Variants in PHF11 observed in about 807,000 individuals in gnomAD.
PHF11 encodes PHD finger protein 11, also known as BRCA1 C-terminus-associated protein.
PHF11 carries 38 observed loss-of-function variants against 40.5 expected under a neutral mutation model. That is an observed-to-expected ratio of 0.94 (90% CI 0.72 to 1.23). The LOEUF is 1.23. Among genes scored for constraint, PHF11 ranks in the 50% most tolerant of loss-of-function variants. The pLI is 0.00. For synonymous variants in PHF11, 127 were observed against 138.2 expected, an observed-to-expected ratio of 0.92 and a Z score of 0.57; for missense variants, 369 against 392.4, an observed-to-expected ratio of 0.94 and a Z score of 0.50.
intron 3 of PHF11, among the ~76,000 whole-genome samples, chr13:49,514,724 C>T (rs1437956236): frequency 6.6e-6 from 1 of 150,710 alleles, no homozygotes; most frequent in Non-Finnish European, 1.5e-5. Flanking sequence ...CACCACTGTA[C>T]TCCAGCCTGG....
At position 49,513,160 on chromosome 13, in the gene PHF11, G is replaced by T. The variant is rs1025097233; in HGVS notation, c.318G>T (p.Arg106Ser). 6.7e-7 allele frequency: 1 copy of T among 1,488,402 alleles called. No individual in the cohort carries two copies. Among genetic ancestry groups the T allele is most frequent in the African/African-American group, 1.4e-5 (1 of 72,428 alleles). The allele number at this position is 1,488,402 out of a possible 1,614,324, so 92.2% of individuals were successfully genotyped here. A position where few individuals can be genotyped will look rare whatever the true frequency, so the allele number is the denominator to read the frequency against. ...ESVKKEIQRGRKLKCKFCHKR... is the reference protein window; with the variant it reads ...ESVKKEIQRGSKLKCKFCHKR... Reference sequence around the variant, plus strand: ...TAAAGAAAGAAATCCAGAGAGGAAGGAAGTTGGTAAGTGTAAATGATGTTA... The same window carrying T: ...TAAAGAAAGAAATCCAGAGAGGAAGTAAGTTGGTAAGTGTAAATGATGTTA... The change falls in exon 3 of 10, where the codon AGG (arginine) becomes AGT (serine). Residue 106 changes from arginine to serine, a missense_variant. By Grantham distance (110) the Arg-to-Ser change is moderately radical (BLOSUM62 -1). Transcript: ENST00000378319.
At chr13:49,508,395 T>C (rs1393090977) in intron 2 of PHF11, among the ~76,000 whole-genome samples, 1 of 147,808 alleles carries the variant, frequency 6.8e-6, no homozygotes, top group East Asian at 1.9e-4. Flanking sequence ...TATTATAATA[T>C]ATGAATGTGT....
chr13:49,512,836 A>G (rs997519175), intron 2 of PHF11, among the ~76,000 whole-genome samples: 7 of 152,238 alleles, frequency 4.6e-5, no homozygotes, highest in African/African-American at 1.4e-4. Flanking sequence ...ATGAGTTATT[A>G]GAGGTCAGGA....
intron 1 of PHF11, among the ~76,000 whole-genome samples, chr13:49,501,976 C>G (rs1373087263): frequency 6.6e-6 from 1 of 151,960 alleles, no homozygotes; most frequent in Non-Finnish European, 1.5e-5. Flanking sequence ...CAGGTGTGAG[C>G]CACCGCGCCC....
chr13:49,506,180 T>C (rs1228808477), intron 1 of PHF11, among the ~76,000 whole-genome samples: 1 of 151,710 alleles, frequency 6.6e-6, no homozygotes, highest in Non-Finnish European at 1.5e-5. Context: ...GAAGGATCAC[T>C]TGAGGCCAGG....
Position 49,523,251 on chromosome 13 carries a change from A to G in PHF11, c.637+10A>G. On this transcript the variant is annotated intron_variant, in intron 7 of 9. Coordinates refer to ENST00000378319, the MANE Select transcript of PHF11 (RefSeq NM_001040443.3). ...CATGGCAGACACACAGGTTTGCGCT[A>G]AGTGTTGTCTGTAACAAATATGGCC... is the stretch of plus-strand genomic sequence containing the variant. The G allele has an allele frequency of 6.3e-7, 1 of 1,588,026 alleles. No individual in the cohort carries two copies. Among genetic ancestry groups the G allele is most frequent in the South Asian group, 1.1e-5 (1 of 90,420 alleles).
intron 5 of PHF11, 81 bp from the exon 6 acceptor site, chr13:49,521,962 A>C: frequency 1.5e-6 from 1 of 677,344 alleles, no homozygotes; most frequent in Non-Finnish European, 2.6e-6. Flanking sequence ...AACTTTTGGC[A>C]TATGAGTTGT....
At chr13:49,509,214 A>ATTT (rs11423473) in intron 2 of PHF11, among the ~76,000 whole-genome samples, 1 of 143,926 alleles carries the variant, frequency 6.9e-6, no homozygotes, top group African/African-American at 2.5e-5. Context: ...CTTTAGTATG[A>ATTT]TTTTTTTTTT....
At chr13:49,502,627 G>A (rs1958924799) in intron 1 of PHF11, among the ~76,000 whole-genome samples, 1 of 152,330 alleles carries the variant, frequency 6.6e-6, no homozygotes, top group Non-Finnish European at 1.5e-5. Context: ...ACATTCGTAA[G>A]TCCAGATTAT....
chr13:49,522,763 TTTTG>T (rs1566196761), intron 6 of PHF11, among the ~76,000 whole-genome samples: 1,492 of 49,450 alleles, frequency 0.03, 71 homozygotes, highest in African/African-American at 0.067. Flanking sequence ...TATGGGGTTT[TTTTG>T]TTTTTTTTTT....
intron 2 of PHF11, among the ~76,000 whole-genome samples, chr13:49,508,198 ATAT>A (rs1216402363): frequency 9.5e-5 from 14 of 147,668 alleles, no homozygotes; most frequent in African/African-American, 9.8e-5. Flanking sequence ...ATGTATTAAT[ATAT>A]TATTAATGTG....
intron 2 of PHF11, among the ~76,000 whole-genome samples, chr13:49,507,505 A>T (rs1156600752): frequency 6.6e-6 from 1 of 152,212 alleles, no homozygotes; most frequent in Non-Finnish European, 1.5e-5. Flanking sequence ...TCCCTAGTCT[A>T]GGCTATACAG....
At chr13:49,514,017 C>A (rs1959115121) in intron 3 of PHF11, among the ~76,000 whole-genome samples, 1 of 152,188 alleles carries the variant, frequency 6.6e-6, no homozygotes, top group Admixed American at 6.5e-5. Flanking sequence ...TCTTTCTGCA[C>A]CAACTGCTGG....
chr13:49,526,081 A>G (rs1186764226), intron 8 of PHF11: 4 of 346,442 alleles, frequency 1.2e-5, no homozygotes, highest in Non-Finnish European at 1.6e-5. Flanking sequence ...AGACATGAGA[A>G]TCGCTTGAAC....
chr13:49,509,562 C>G (rs574713748), intron 2 of PHF11, among the ~76,000 whole-genome samples: 11 of 152,224 alleles, frequency 7.2e-5, no homozygotes, highest in Middle Eastern at 3.4e-3. Context: ...TGTGTCCCCA[C>G]CCAAATCTCA....
At position 49,524,219 on chromosome 13, in the gene PHF11, A is replaced by G. The variant is rs370297463; in HGVS notation, c.769+3A>G. On this transcript the variant is annotated splice_donor_region_variant and intron_variant, in intron 8 of 9. Transcript: ENST00000378319. The stretch of plus-strand genomic sequence containing the variant: ...GGATGAGACTACTTCAGAATCAGGT[A>G]CTGATGAAGAGCAATATTTCGAAGT... The G allele has an allele frequency of 3.7e-6, 6 of 1,600,790 alleles. No individual in the cohort carries two copies. The highest frequency in any genetic ancestry group is 5.1e-6 in the Non-Finnish European group (6 of 1,171,692).
At chr13:49,497,723 T>C (rs1443567968) in intron 1 of PHF11, among the ~76,000 whole-genome samples, 2 of 152,228 alleles carry the variant, frequency 1.3e-5, no homozygotes, top group Admixed American at 6.5e-5. Flanking sequence ...CAGAACAATC[T>C]ATGAGCCTGG....
chr13:49,521,546 G>A (rs17381960), intron 5 of PHF11: 37,663 of 941,882 alleles, frequency 0.04, 838 homozygotes, highest in Non-Finnish European at 0.044. Flanking sequence ...TTTTTCAGTC[G>A]TTACCCTTTT....
chr13:49,503,628 C>A (rs1958938663), intron 1 of PHF11, among the ~76,000 whole-genome samples: 1 of 152,198 alleles, frequency 6.6e-6, no homozygotes, highest in African/African-American at 2.4e-5. Flanking sequence ...GAATGAATAA[C>A]TTTTATATTG....
Sources: gnomAD v4.1 joint callset for allele counts (sites outside exome capture counted in the v4.1 genomes callset) on GRCh38, gnomAD v4.1.1 for gene constraint, MANE v1.5 for transcripts, NCBI Gene and HGNC (gene_info 2026-07-23, HGNC 2026-07-21) for gene names.